SAMD8: variants seen among roughly 807,000 people sequenced by gnomAD.
SAMD8 encodes sphingomyelin synthase-related protein 1.
SAMD8 carries 20 observed loss-of-function variants against 42.0 expected under a neutral mutation model. That is an observed-to-expected ratio of 0.48 (90% confidence interval 0.34 to 0.69). The LOEUF (loss-of-function observed/expected upper bound fraction) is 0.69, where lower values mean the gene tolerates loss of function less well. SAMD8 is among the 30% of genes least tolerant of loss of function. The pLI is 0.01. For missense variants in SAMD8, 328 were observed against 511.6 expected, an observed-to-expected ratio of 0.64 and a Z score of 3.46; for synonymous variants, 162 against 173.0, an observed-to-expected ratio of 0.94 and a Z score of 0.50.
chr10:75,164,933 T>C (rs981013907), intron 3 of SAMD8, among the ~76,000 whole-genome samples, 193 bp downstream of exon 3: 1 of 152,218 alleles, frequency 6.6e-6, no homozygotes, highest in Non-Finnish European at 1.5e-5. Flanking sequence ...TTAGTAATAA[T>C]CCTGAATGCA....
upstream of SAMD8, chr10:75,109,253 G>C: frequency 7.1e-7 from 1 of 1,401,612 alleles, no homozygotes; most frequent in East Asian, 2.6e-5. Flanking sequence ...ACAGGTGACA[G>C]AAGCAAGTGA....
intron 1 of SAMD8, among the ~76,000 whole-genome samples, chr10:75,129,569 G>C (rs773935682): frequency 2.0e-5 from 3 of 152,136 alleles, no homozygotes; most frequent in Non-Finnish European, 2.9e-5. Context: ...TGATTAGCTA[G>C]TTTCATTTGG....
chr10:75,177,561 C>T lies in SAMD8; in HGVS notation c.*869C>T, dbSNP rs191270374. 85 of 152,190 alleles carry T rather than the reference C, an allele frequency of 5.6e-4. No individual in the cohort carries two copies. The highest frequency in any genetic ancestry group is 1.9e-3 in the African/African-American group (79 of 41,508). 9.4% of individuals were successfully genotyped at this position (152,190 alleles called of 1,614,324 possible). On this transcript the variant is annotated 3_prime_UTR_variant, in exon 6 of 6. Transcript: ENST00000542569. ...AAATGAGCCAAATAGGAGTGTTTTA[C>T]CAGATGTTAGATAAAGTTCTTAATG...
chr10:75,121,251 C>T (rs1365413866), intron 1 of SAMD8, among the ~76,000 whole-genome samples: 1 of 152,160 alleles, frequency 6.6e-6, no homozygotes, highest in Non-Finnish European at 1.5e-5. Context: ...GGTCACATAA[C>T]TGTGAGTGGT....
chr10:75,105,801 C>A (rs371872854), intron 1 of SAMD8: 1 of 1,551,026 alleles, frequency 6.4e-7, no homozygotes, highest in Admixed American at 2.0e-5. Flanking sequence ...GCTGGTGCAG[C>A]ATGAGGTAGG....
chr10:75,136,285 T>A (rs1839884449), intron 1 of SAMD8, among the ~76,000 whole-genome samples: 1 of 152,158 alleles, frequency 6.6e-6, no homozygotes, highest in Non-Finnish European at 1.5e-5. Flanking sequence ...ACTAAGTACT[T>A]GGTTGAGAAA....
chr10:75,169,777 C>T (rs995017565), intron 4 of SAMD8, among the ~76,000 whole-genome samples: 3 of 151,848 alleles, frequency 2.0e-5, no homozygotes, highest in African/African-American at 4.8e-5. Flanking sequence ...GTCGTGGTGA[C>T]GGGCACCTGT....
intron 1 of SAMD8, among the ~76,000 whole-genome samples, chr10:75,120,924 T>A (rs1265816968): frequency 6.6e-6 from 1 of 151,698 alleles, no homozygotes; most frequent in East Asian, 1.9e-4. Context: ...GGGACTACTG[T>A]CGTGCACCAC....
chr10:75,111,839 C>T, intron 1 of SAMD8, 117 bp downstream of exon 1: 2 of 1,184,608 alleles, frequency 1.7e-6, no homozygotes, highest in Non-Finnish European at 1.1e-6. Flanking sequence ...TGGAGGGGCC[C>T]CGGGGAGACG....
At chr10:75,100,634 C>A (rs1258103311) in intron 1 of SAMD8, among the ~76,000 whole-genome samples, 1 of 152,216 alleles carries the variant, frequency 6.6e-6, no homozygotes. Flanking sequence ...CCACTCCCTG[C>A]AGTCTTCCTT....
upstream of SAMD8, among the ~76,000 whole-genome samples, chr10:75,110,468 G>A (rs2134407337): frequency 6.6e-6 from 1 of 152,260 alleles, no homozygotes; most frequent in Non-Finnish European, 1.5e-5. Flanking sequence ...AGCTGCCCTT[G>A]GCCTTAAGAC....
chr10:75,108,129 C>G (rs1183378226), upstream of SAMD8: 9 of 1,613,542 alleles, frequency 5.6e-6, no homozygotes, highest in Non-Finnish European at 5.9e-6. Flanking sequence ...GCCGCCCTGA[C>G]AGTAGAGGCC....
intron 3 of SAMD8, among the ~76,000 whole-genome samples, chr10:75,165,993 A>G (rs949861819): frequency 7.3e-5 from 11 of 151,692 alleles, no homozygotes; most frequent in African/African-American, 2.7e-4. Flanking sequence ...AAAAAAAAAA[A>G]AAAAAGAAAG....
intron 2 of SAMD8, among the ~76,000 whole-genome samples, chr10:75,160,396 C>A (rs1299512729): frequency 6.6e-5 from 10 of 150,474 alleles, no homozygotes; most frequent in Non-Finnish European, 1.5e-4. Flanking sequence ...TTAGTAGGGA[C>A]GGGGTTTCAC....
intron 1 of SAMD8, among the ~76,000 whole-genome samples, chr10:75,120,883 C>A (rs553509191): frequency 6.9e-6 from 1 of 144,420 alleles, no homozygotes; most frequent in Non-Finnish European, 1.5e-5. Context: ...CAGGTTCAAG[C>A]GATTCTCTTG....
At chr10:75,150,075 C>T (rs1840245556) in intron 1 of SAMD8, among the ~76,000 whole-genome samples, 1 of 148,484 alleles carries the variant, frequency 6.7e-6, no homozygotes, top group South Asian at 2.1e-4. Flanking sequence ...TGTGTGTGTA[C>T]ATCTCTCTCT....
chr10:75,125,642 A>C (rs1589939321), intron 1 of SAMD8: 2 of 152,178 alleles, frequency 1.3e-5, no homozygotes, highest in Admixed American at 6.6e-5. Context: ...AATAAAGTTC[A>C]TTATTTGAAA....
chr10:75,108,148 C>A, upstream of SAMD8: 1 of 1,612,990 alleles, frequency 6.2e-7, no homozygotes, highest in Non-Finnish European at 8.5e-7. Context: ...CCCTTGTGGG[C>A]GGCGTTCAGC....
chr10:75,101,842 C>T, intron 1 of SAMD8: 2 of 1,360,318 alleles, frequency 1.5e-6, no homozygotes, highest in Non-Finnish European at 2.0e-6. Context: ...ATCCTACCCC[C>T]CCCAAATTAG....
Sources: gnomAD v4.1 joint callset for allele counts (sites outside exome capture counted in the v4.1 genomes callset) on GRCh38, gnomAD v4.1.1 for gene constraint, MANE v1.5 for transcripts, NCBI Gene and HGNC (gene_info 2026-07-23, HGNC 2026-07-21) for gene names.